RBFOX1: variants seen among roughly 807,000 people sequenced by gnomAD.
RBFOX1 encodes the protein RNA binding protein fox-1 homolog 1.
In RBFOX1, 8 loss-of-function variants were observed where a neutral mutation model predicts 57.7. The ratio of observed to expected loss-of-function variants is 0.14; its 90% confidence interval spans 0.08 to 0.25. The LOEUF (loss-of-function observed/expected upper bound fraction) is 0.25, where lower values mean the gene tolerates loss of function less well. RBFOX1 is among the 10% of genes least tolerant of loss of function. The probability of loss-of-function intolerance (pLI) is 1.00; values close to 1 mark genes in which losing one functional copy is unlikely to be tolerated. For synonymous variants in RBFOX1, 326 were observed against 222.4 expected (o/e 1.47, Z -4.15); for missense variants, 611 against 548.5 (o/e 1.11, Z -1.14).
chr16:6,906,564 G>A (rs752532092), intron 3 of RBFOX1, among the ~76,000 whole-genome samples: 6 of 152,028 alleles, frequency 3.9e-5, no homozygotes, highest in Admixed American at 3.3e-4. Flanking sequence ...TCTTTGTCAA[G>A]TTAAAAACAA....
At chr16:6,429,362 C>T (rs1408671293) in intron 2 of RBFOX1, among the ~76,000 whole-genome samples, 1 of 152,202 alleles carries the variant, frequency 6.6e-6, no homozygotes, top group Non-Finnish European at 1.5e-5. Context: ...GGGCTAGCCC[C>T]TTCCATTATA....
At chr16:7,434,826 G>C (rs527829997) in intron 4 of RBFOX1, among the ~76,000 whole-genome samples, 1 of 151,122 alleles carries the variant, frequency 6.6e-6, no homozygotes, top group African/African-American at 2.4e-5. Flanking sequence ...TGCAACCTCT[G>C]CCTCCCAGAC....
chr16:7,511,668 C>G (rs2075118864), intron 4 of RBFOX1, among the ~76,000 whole-genome samples: 1 of 151,674 alleles, frequency 6.6e-6, no homozygotes, highest in South Asian at 2.1e-4. Flanking sequence ...TTTAATAATC[C>G]TTTTGCTCTT....
chr16:7,286,773 G>A (rs1386116249), intron 4 of RBFOX1, among the ~76,000 whole-genome samples: 1 of 151,814 alleles, frequency 6.6e-6, no homozygotes, highest in Non-Finnish European at 1.5e-5. Context: ...ACAGGTCCCT[G>A]CCACCATGCC....
chr16:5,352,097 C>T (rs780373374), intron 1 of RBFOX1, among the ~76,000 whole-genome samples: 26 of 152,192 alleles, frequency 1.7e-4, no homozygotes, highest in East Asian at 3.9e-4. Flanking sequence ...TGAGCCACTG[C>T]GCCCAACCAG....
intron 1 of RBFOX1, among the ~76,000 whole-genome samples, chr16:6,134,955 G>A (rs889637478): frequency 3.9e-5 from 6 of 151,978 alleles, no homozygotes; most frequent in Admixed American, 2.0e-4. Flanking sequence ...TTAACTCATC[G>A]TTTAACATTA....
chr16:5,593,746 T>C (rs1407382799), intron 2 of RBFOX1, among the ~76,000 whole-genome samples: 1 of 152,230 alleles, frequency 6.6e-6, no homozygotes, highest in Non-Finnish European at 1.5e-5. Context: ...CCAGCAGCCC[T>C]GGGGACTGCT....
At chr16:7,249,877 A>G (rs957252127) in intron 4 of RBFOX1, among the ~76,000 whole-genome samples, 1 of 152,246 alleles carries the variant, frequency 6.6e-6, no homozygotes, top group African/African-American at 2.4e-5. Context: ...TTTGATACAC[A>G]TTGTTAAATG....
At chr16:6,997,427 G>C (rs1316196672) in intron 3 of RBFOX1, among the ~76,000 whole-genome samples, 1 of 152,154 alleles carries the variant, frequency 6.6e-6, no homozygotes, top group Non-Finnish European at 1.5e-5. Context: ...TGCTTGATCA[G>C]AGTTCATTTA....
chr16:6,503,631 C>G (rs890496107), intron 2 of RBFOX1, among the ~76,000 whole-genome samples: 1 of 152,162 alleles, frequency 6.6e-6, no homozygotes, highest in African/African-American at 2.4e-5. Context: ...GGTCAGCAAG[C>G]TAACTTGAGT....
intron 3 of RBFOX1, among the ~76,000 whole-genome samples, chr16:6,900,280 C>T (rs147873312): frequency 5.3e-4 from 80 of 152,282 alleles, no homozygotes; most frequent in African/African-American, 1.1e-3. Context: ...ATGTGTATTT[C>T]TCTGTAGTTC....
intron 4 of RBFOX1, among the ~76,000 whole-genome samples, chr16:7,428,494 TTTATTATTATTATTATTATTA>T (rs71147697): frequency 1.6e-5 from 2 of 128,732 alleles, no homozygotes; most frequent in Non-Finnish European, 1.6e-5. Flanking sequence ...TCCTGGCTAT[TTTATTATTATTATTATTATTA>T]TTATTATTAT....
intron 2 of RBFOX1, among the ~76,000 whole-genome samples, chr16:6,555,577 G>A (rs551811540): frequency 4.7e-4 from 72 of 152,062 alleles, no homozygotes; most frequent in Non-Finnish European, 9.0e-4. Flanking sequence ...GCGGGCGCCT[G>A]TAGTCCCAGC....
intron 1 of RBFOX1, among the ~76,000 whole-genome samples, chr16:5,278,507 T>G (rs959182078): frequency 2.4e-4 from 36 of 152,234 alleles, no homozygotes; most frequent in African/African-American, 8.0e-4. Flanking sequence ...CATTTAAGTC[T>G]TTCAGCCATC....
intron 1 of RBFOX1, among the ~76,000 whole-genome samples, chr16:6,060,887 C>A (rs1305352629): frequency 6.6e-6 from 1 of 152,200 alleles, no homozygotes; most frequent in Non-Finnish European, 1.5e-5. Flanking sequence ...TGTGCCATTA[C>A]CTTCCTTTTC....
intron 4 of RBFOX1, among the ~76,000 whole-genome samples, chr16:7,432,480 T>G (rs1470962603): frequency 6.6e-6 from 1 of 152,188 alleles, no homozygotes; most frequent in Non-Finnish European, 1.5e-5. Flanking sequence ...CATTGCACCT[T>G]AAAGACATAG....
chr16:5,247,568 C>T (rs2062333771), intron 1 of RBFOX1, among the ~76,000 whole-genome samples: 1 of 152,152 alleles, frequency 6.6e-6, no homozygotes, highest in Admixed American at 6.5e-5. Context: ...GGCTACAGCC[C>T]ACAGGCCAGA....
intron 3 of RBFOX1, among the ~76,000 whole-genome samples, chr16:5,776,037 A>G (rs1467585121): frequency 6.7e-6 from 1 of 148,324 alleles, no homozygotes; most frequent in African/African-American, 2.5e-5. Context: ...AGCCCAATGA[A>G]TCTTAATAAA....
intron 1 of RBFOX1, among the ~76,000 whole-genome samples, chr16:6,070,226 G>A (rs2095819182): frequency 6.6e-6 from 1 of 152,182 alleles, no homozygotes; most frequent in African/African-American, 2.4e-5. Context: ...GAGATTTTGA[G>A]TAAATATTCT....
Sources: gnomAD v4.1 joint callset for allele counts (sites outside exome capture counted in the v4.1 genomes callset) on GRCh38, gnomAD v4.1.1 for gene constraint, MANE v1.5 for transcripts, NCBI Gene and HGNC (gene_info 2026-07-23, HGNC 2026-07-21) for gene names.